ENPP2: variants seen among roughly 807,000 people sequenced by gnomAD.
ENPP2 encodes autotaxin.
ENPP2 carries 51 observed loss-of-function variants against 120.2 expected under a neutral mutation model. The observed-to-expected ratio is 0.42, with a 90% CI of 0.34 to 0.54. ENPP2 has a LOEUF of 0.54. Ranked by LOEUF, ENPP2 falls within the 20% of genes least tolerant of loss-of-function variation. The pLI, the probability that ENPP2 is intolerant of heterozygous loss-of-function variation, is 0.04. For synonymous variants in ENPP2, 365 were observed against 366.4 expected, an observed-to-expected ratio of 1.00 and a Z score of 0.04; for missense variants, 920 against 1,066.5, an observed-to-expected ratio of 0.86 and a Z score of 1.91.
intron 1 of ENPP2, among the ~76,000 whole-genome samples, chr8:119,647,186 G>A (rs1026495053): frequency 3.3e-5 from 5 of 151,910 alleles, no homozygotes; most frequent in African/African-American, 4.8e-5. Flanking sequence ...TAGTAGAGAC[G>A]AGGTTTCACC....
intron 1 of ENPP2, among the ~76,000 whole-genome samples, chr8:119,652,027 C>T (rs1817640982): frequency 6.6e-6 from 1 of 152,124 alleles, no homozygotes; most frequent in Non-Finnish European, 1.5e-5. Context: ...ATTCATGCTT[C>T]TATAAAAAAA....
chr8:119,647,249 C>CCT (rs1312078730), intron 1 of ENPP2, among the ~76,000 whole-genome samples: 1 of 152,094 alleles, frequency 6.6e-6, no homozygotes, highest in African/African-American at 2.4e-5. Flanking sequence ...CCCACCTCAG[C>CCT]CTCCCAAAGT....
At chr8:119,654,640 CA>C (rs1817719064) in intron 1 of ENPP2, among the ~76,000 whole-genome samples, 1 of 151,784 alleles carries the variant, frequency 6.6e-6, no homozygotes, top group Non-Finnish European at 1.5e-5. Context: ...CCACCATACC[CA>C]GGCTCCCATG....
At chr8:119,566,522 A>C (rs1457790081) in intron 22 of ENPP2, among the ~76,000 whole-genome samples, 1 of 152,228 alleles carries the variant, frequency 6.6e-6, no homozygotes, top group East Asian at 1.9e-4. Flanking sequence ...GTAAGAAAGG[A>C]GTTCAAACGT....
upstream of ENPP2, among the ~76,000 whole-genome samples, chr8:119,642,625 T>C (rs1335196645): frequency 6.6e-6 from 1 of 152,226 alleles, no homozygotes; most frequent in Non-Finnish European, 1.5e-5. Context: ...TCACTATTAA[T>C]TGGACATTAA....
chr8:119,630,713 A>C (rs1453047929), intron 2 of ENPP2, among the ~76,000 whole-genome samples: 1 of 152,166 alleles, frequency 6.6e-6, no homozygotes, highest in Non-Finnish European at 1.5e-5. Flanking sequence ...TGACAGCTTC[A>C]AATTAGGGTA....
intron 3 of ENPP2, among the ~76,000 whole-genome samples, chr8:119,623,336 A>AGG (rs1816041660): frequency 6.6e-6 from 1 of 151,958 alleles, no homozygotes; most frequent in Non-Finnish European, 1.5e-5. Context: ...ATGGTGGTGC[A>AGG]TGCCTGTAAT....
intron 8 of ENPP2, among the ~76,000 whole-genome samples, chr8:119,615,206 G>A (rs151011099): frequency 6.6e-6 from 1 of 152,142 alleles, no homozygotes; most frequent in Non-Finnish European, 1.5e-5. Context: ...GTCATGCCAC[G>A]GTTGAGTGCA....
At chr8:119,610,423 G>C (rs960123218) in intron 8 of ENPP2, among the ~76,000 whole-genome samples, 3 of 151,960 alleles carry the variant, frequency 2.0e-5, no homozygotes, top group Admixed American at 6.6e-5. Flanking sequence ...TTTCCCAAGG[G>C]GGGGAAAAAG....
intron 9 of ENPP2, among the ~76,000 whole-genome samples, chr8:119,602,457 CAAAAAA>C (rs57298494): frequency 2.4e-5 from 3 of 122,944 alleles, no homozygotes; most frequent in Non-Finnish European, 1.8e-5. Flanking sequence ...AACTCTGTCT[CAAAAAA>C]AAAAAAAAAA....
At position 119,595,803 on chromosome 8, in the gene ENPP2, C is replaced by A. The variant is rs760207311; in HGVS notation, c.973-1943G>T. ...AAGGCACTGAAGGCAACCTTCAACT[C>A]AGACCTGCCCGCCACAAAGCTTTGG... On this transcript the variant is annotated intron_variant, in intron 11 of 24. Coordinates refer to ENST00000075322, the MANE Select transcript of ENPP2 (RefSeq NM_001040092.3). 3.1e-6 allele frequency: 5 copies of A among 1,605,364 alleles called. No homozygotes were observed. In the Admixed American group the frequency reaches 8.4e-5, roughly 27 times the overall value.
At chr8:119,625,480 T>C (rs1422394438) in intron 3 of ENPP2, among the ~76,000 whole-genome samples, 4 of 152,190 alleles carry the variant, frequency 2.6e-5, no homozygotes, top group African/African-American at 4.8e-5. Context: ...AGCTACCACT[T>C]AGGCAAAACA....
chr8:119,631,839 A>G (rs1049719943), intron 2 of ENPP2, among the ~76,000 whole-genome samples: 12 of 152,014 alleles, frequency 7.9e-5, no homozygotes, highest in Admixed American at 7.2e-4. Flanking sequence ...GTGATAATAC[A>G]TTCATGTAGT....
Position 119,621,568 on chromosome 8 carries a change from G to C in ENPP2, c.293-49C>G, listed in dbSNP as rs565470288. On this transcript the variant is annotated intron_variant, in intron 3 of 24. Transcript: ENST00000075322. Reference sequence around the variant, plus strand: ...TTTCACTGCTGCACACTAACCAAATGAAAGAAGCCACAATTGCTTACAGGA... The same window carrying C: ...TTTCACTGCTGCACACTAACCAAATCAAAGAAGCCACAATTGCTTACAGGA... 3.6e-5 allele frequency: 57 copies of C among 1,591,752 alleles called. No homozygotes were observed. In the South Asian group the frequency reaches 4.3e-4, roughly 12 times the overall value.
chr8:119,566,671 C>A (rs368952352), intron 22 of ENPP2, among the ~76,000 whole-genome samples: 6 of 152,144 alleles, frequency 3.9e-5, no homozygotes, highest in Admixed American at 3.9e-4. Flanking sequence ...CTATGAAAGG[C>A]CTTCTCCACA....
At chr8:119,603,957 T>C (rs10097147) in intron 9 of ENPP2, among the ~76,000 whole-genome samples, 77,047 of 151,266 alleles carry the variant, frequency 0.51, 19,966 homozygotes, top group South Asian at 0.7. Flanking sequence ...CCTCTGACCT[T>C]AGGTGCAACA....
intron 1 of ENPP2, among the ~76,000 whole-genome samples, chr8:119,647,083 C>T (rs543056003): frequency 2.6e-5 from 4 of 151,824 alleles, no homozygotes; most frequent in South Asian, 2.1e-4. Flanking sequence ...CTGCAACCTC[C>T]GCCTCCCGGG....
At chr8:119,608,391 C>G (rs1378338962) in intron 8 of ENPP2, among the ~76,000 whole-genome samples, 1 of 152,134 alleles carries the variant, frequency 6.6e-6, no homozygotes, top group Admixed American at 6.5e-5. Context: ...CCCAATTTGG[C>G]ATCCAGATGT....
chr8:119,647,539 T>A (rs895514237), intron 1 of ENPP2, among the ~76,000 whole-genome samples: 1 of 152,228 alleles, frequency 6.6e-6, no homozygotes, highest in Non-Finnish European at 1.5e-5. Flanking sequence ...GCAGGCTAAG[T>A]GGCTTTTAGC....
Sources: gnomAD v4.1 joint callset for allele counts (sites outside exome capture counted in the v4.1 genomes callset) on GRCh38, gnomAD v4.1.1 for gene constraint, MANE v1.5 for transcripts, NCBI Gene and HGNC (gene_info 2026-07-23, HGNC 2026-07-21) for gene names.